Variants in NGF observed in about 807,000 individuals in gnomAD.
The protein encoded by NGF is nerve growth factor.
A neutral mutation model predicts 12.8 loss-of-function variants in NGF; 4 were observed. The observed-to-expected ratio is 0.31, with a 90% CI of 0.15 to 0.72. The LOEUF is 0.72. NGF is among the 30% of genes least tolerant of loss of function. The pLI is 0.69. For missense variants in NGF, 283 were observed against 330.8 expected, an observed-to-expected ratio of 0.86 and a Z score of 1.12; for synonymous variants, 140 against 130.0, an observed-to-expected ratio of 1.08 and a Z score of -0.52.
chr1:115,337,646 C>T (rs1437844013), intron 1 of NGF, among the ~76,000 whole-genome samples: 8 of 152,270 alleles, frequency 5.3e-5, no homozygotes, highest in Non-Finnish European at 1.0e-4. Context: ...GACTCCCAGC[C>T]CTTCCGAGAC....
intron 1 of NGF, among the ~76,000 whole-genome samples, chr1:115,333,705 CTTTCTT>C (rs1655010523): frequency 1.4e-5 from 1 of 69,376 alleles, no homozygotes; most frequent in Non-Finnish European, 2.7e-5. Flanking sequence ...TTCTTTCTTT[CTTTCTT>C]TCTTTTCTTT....
At chr1:115,333,706 TTTC>T (rs1390650902) in intron 1 of NGF, among the ~76,000 whole-genome samples, 1 of 52,924 alleles carries the variant, frequency 1.9e-5, no homozygotes, top group Non-Finnish European at 3.3e-5. Context: ...TCTTTCTTTC[TTTC>T]TTTCTTTTCT....
At chr1:115,334,899 A>G (rs555095808) in intron 1 of NGF, among the ~76,000 whole-genome samples, 99 of 152,236 alleles carry the variant, frequency 6.5e-4, no homozygotes, top group Non-Finnish European at 1.2e-3. Context: ...AGGCCTGAGA[A>G]GCTTAGCGAC....
chr1:115,326,018 G>A (rs747014032), intron 1 of NGF, among the ~76,000 whole-genome samples: 2 of 152,128 alleles, frequency 1.3e-5, no homozygotes, highest in Non-Finnish European at 2.9e-5. Context: ...TGGGGCCCAG[G>A]GGAGAGATCC....
intron 2 of NGF, among the ~76,000 whole-genome samples, chr1:115,288,704 C>A (rs534391124): frequency 6.6e-6 from 1 of 152,326 alleles, no homozygotes; most frequent in East Asian, 1.9e-4. Flanking sequence ...CCTGAGAGGG[C>A]TTTGCAAGCT....
intron 2 of NGF, among the ~76,000 whole-genome samples, chr1:115,293,262 C>G (rs2101025850): frequency 1.3e-5 from 2 of 152,240 alleles, no homozygotes; most frequent in Middle Eastern, 6.8e-3. Context: ...GTGAAGGGCA[C>G]AAAGAGTGGC....
chr1:115,295,077 CTT>C (rs1296895102), intron 1 of NGF, among the ~76,000 whole-genome samples: 1 of 152,140 alleles, frequency 6.6e-6, no homozygotes, highest in African/African-American at 2.4e-5. Flanking sequence ...CCTGTGATAT[CTT>C]TTTCCAGCAT....
rs111248355 is a variant in NGF, at chr1:115,296,858, C to A, written c.-136-3108G>T. Among the ~76,000 whole-genome samples, 1,193 of 152,318 alleles carry A rather than the reference C, an allele frequency of 7.8e-3. 16 individuals are homozygous for A. The highest frequency in any genetic ancestry group is 0.027 in the African/African-American group (1,140 of 41,564). On this transcript the variant is annotated intron_variant, in intron 1 of 2. Coordinates refer to ENST00000369512, the MANE Select transcript of NGF (RefSeq NM_002506.3). Reference sequence around the variant, plus strand: ...TCTAATGCAAAGGCATTGGGACAAACAACCCAAATGCATATCTATTTTTAA... The same window carrying A: ...TCTAATGCAAAGGCATTGGGACAAAAAACCCAAATGCATATCTATTTTTAA...
At chr1:115,322,913 T>A (rs1557945906) in intron 1 of NGF, among the ~76,000 whole-genome samples, 1 of 152,160 alleles carries the variant, frequency 6.6e-6, no homozygotes, top group Non-Finnish European at 1.5e-5. Flanking sequence ...ATGTCTGAAA[T>A]CTTACTTCCC....
intron 1 of NGF, among the ~76,000 whole-genome samples, chr1:115,300,479 C>T (rs531262596): frequency 1.3e-5 from 2 of 152,324 alleles, no homozygotes; most frequent in Admixed American, 6.5e-5. Context: ...TGCACCTCTA[C>T]CAACCTGCAT....
Position 115,333,499 on chromosome 1 carries a change from T to TAAAAAAA in NGF, c.-137+4698_-137+4704dup, listed in dbSNP as rs34024301. Among the ~76,000 whole-genome samples the TAAAAAAA allele has an allele frequency of 1.2e-4, 9 of 76,598 alleles. 1 individual carries two copies. The highest frequency in any genetic ancestry group is 4.5e-4 in the African/African-American group (9 of 20,028). 50.3% of individuals were successfully genotyped at this position (76,598 alleles called of 152,430 possible). On this transcript the variant is annotated intron_variant, in intron 1 of 2. Coordinates refer to ENST00000369512, the MANE Select transcript of NGF (RefSeq NM_002506.3). ...GTCTGACTCTGACTAATAGTACTACTAAAAAAAAAAAAAAAAAAAAAAAGA... is the reference window on the plus strand; with the variant it reads ...GTCTGACTCTGACTAATAGTACTACTAAAAAAAAAAAAAAAAAAAAAAAAAAAAAAGA...
chr1:115,336,845 T>C (rs1293400574), intron 1 of NGF, among the ~76,000 whole-genome samples: 3 of 152,234 alleles, frequency 2.0e-5, no homozygotes. Context: ...TTTCTGCATT[T>C]GCAGAGTGCA....
intron 1 of NGF, among the ~76,000 whole-genome samples, chr1:115,337,281 T>TG (rs1655151349): frequency 5.7e-5 from 5 of 88,442 alleles, no homozygotes; most frequent in Non-Finnish European, 1.3e-4. Context: ...TTTTTTTTTT[T>TG]TTTTTTTTTT....
chr1:115,332,244 A>G (rs1187133985), intron 1 of NGF, among the ~76,000 whole-genome samples: 2 of 152,238 alleles, frequency 1.3e-5, no homozygotes, highest in Non-Finnish European at 2.9e-5. Flanking sequence ...GAGTCTGAGG[A>G]GAAGTTTGCC....
chr1:115,330,426 G>T (rs10776799), intron 1 of NGF, among the ~76,000 whole-genome samples: 104,926 of 152,096 alleles, frequency 0.69, 38,384 homozygotes, highest in Non-Finnish European at 0.81. Flanking sequence ...ACACACAGTC[G>T]CCATCTAACA....
intron 1 of NGF, among the ~76,000 whole-genome samples, chr1:115,333,820 T>C (rs1218559484): frequency 2.6e-5 from 4 of 151,282 alleles, no homozygotes; most frequent in Admixed American, 1.3e-4. Flanking sequence ...TTTTCTTTCT[T>C]TCTCTCTTCT....
chr1:115,288,348 A>G (rs1236009920), intron 2 of NGF, among the ~76,000 whole-genome samples: 1 of 152,174 alleles, frequency 6.6e-6, no homozygotes, highest in African/African-American at 2.4e-5. Context: ...AATTTCCCAG[A>G]GCCTTAGCGT....
chr1:115,296,680 T>C (rs1409728938), intron 1 of NGF, among the ~76,000 whole-genome samples: 1 of 152,244 alleles, frequency 6.6e-6, no homozygotes, highest in Non-Finnish European at 1.5e-5. Flanking sequence ...TATTCTGTGT[T>C]GATATAAGCA....
At chr1:115,304,310 G>A (rs748391249) in intron 1 of NGF, among the ~76,000 whole-genome samples, 17 of 133,856 alleles carry the variant, frequency 1.3e-4, no homozygotes, top group South Asian at 4.9e-4. Flanking sequence ...TTACAGGAGC[G>A]CACCACCATG....
Sources: allele counts gnomAD v4.1 joint callset (sites outside exome capture counted in the v4.1 genomes callset), GRCh38; gene constraint gnomAD v4.1.1; transcripts MANE v1.5; gene names NCBI Gene and HGNC (gene_info 2026-07-23, HGNC 2026-07-21).